Variants in STK24 observed in about 807,000 individuals in gnomAD.
The protein encoded by STK24 is serine/threonine kinase 24.
STK24 carries 21 observed loss-of-function variants against 55.6 expected under a neutral mutation model. That is an observed-to-expected ratio of 0.38 (90% CI 0.27 to 0.54). The LOEUF is 0.54. Ranked by LOEUF, STK24 falls within the 20% of genes least tolerant of loss-of-function variation. STK24 has a pLI of 0.79. For synonymous variants in STK24, 200 were observed against 215.2 expected, an observed-to-expected ratio of 0.93 and a Z score of 0.62; for missense variants, 383 against 538.4, an observed-to-expected ratio of 0.71 and a Z score of 2.86.
Position 98,446,224 on chromosome 13 carries a change from G to GC in STK24, c.*6948dup. On this transcript the variant is annotated 3_prime_UTR_variant, in exon 11 of 11. Coordinates refer to ENST00000539966, the MANE Select transcript of STK24 (RefSeq NM_001032296.4). ...ACACCAGGTAAGTGTCTCGCACAGGGCAGGTGGCCCTGGGACCTTGGGGGT... is the reference window on the plus strand; with the variant it reads ...ACACCAGGTAAGTGTCTCGCACAGGGCCAGGTGGCCCTGGGACCTTGGGGGT... 6.4e-7 allele frequency: 1 copy of GC among 1,553,988 alleles called. No homozygotes were observed. Among genetic ancestry groups the GC allele is most frequent in the Non-Finnish European group, 8.9e-7 (1 of 1,126,444 alleles).
chr13:98,470,382 G>A (rs1566352064), intron 5 of STK24, among the ~76,000 whole-genome samples: 1 of 152,164 alleles, frequency 6.6e-6, no homozygotes. Flanking sequence ...CCTCCCGCCA[G>A]GGACTCCCAA....
chr13:98,479,793 G>A (rs1188208005), intron 3 of STK24, among the ~76,000 whole-genome samples: 3 of 152,184 alleles, frequency 2.0e-5, no homozygotes, highest in Non-Finnish European at 4.4e-5. Flanking sequence ...ACAGCTCCCA[G>A]CCTACCTCCA....
At chr13:98,469,411 T>C (rs1250414738) in intron 5 of STK24, among the ~76,000 whole-genome samples, 3 of 152,074 alleles carry the variant, frequency 2.0e-5, no homozygotes, top group Admixed American at 1.3e-4. Context: ...CAGCCGGGCA[T>C]GGTGGGCTGC....
intron 3 of STK24, among the ~76,000 whole-genome samples, chr13:98,480,843 T>C (rs1272507036): frequency 6.6e-6 from 1 of 152,168 alleles, no homozygotes; most frequent in Non-Finnish European, 1.5e-5. Flanking sequence ...CCCACTTCAG[T>C]CTCCCAAAAG....
rs80331970 is a variant in STK24, at chr13:98,452,768, T to C, written c.*405A>G. 2.3e-3 allele frequency: 402 copies of C among 174,564 alleles called. 7 individuals carry two copies. The highest frequency in any genetic ancestry group is 0.02 in the East Asian group (124 of 6,262). 10.8% of individuals were successfully genotyped at this position (174,564 alleles called of 1,614,324 possible). ...TCTGTACACCCATCCACCAGAGCGATTCTCCAGCTCCCAGAGGGAGTTATC... is the reference window on the plus strand; with the variant it reads ...TCTGTACACCCATCCACCAGAGCGACTCTCCAGCTCCCAGAGGGAGTTATC... On this transcript the variant is annotated 3_prime_UTR_variant, in exon 11 of 11. Coordinates refer to ENST00000539966, the MANE Select transcript of STK24 (RefSeq NM_001032296.4).
intron 1 of STK24, among the ~76,000 whole-genome samples, chr13:98,565,670 C>G (rs1897548128): frequency 6.6e-6 from 1 of 151,238 alleles, no homozygotes; most frequent in Admixed American, 6.6e-5. Context: ...TTAGAGGGTA[C>G]TTTTTCAGTT....
At chr13:98,489,544 C>T (rs138289476) in intron 2 of STK24, among the ~76,000 whole-genome samples, 4 of 152,314 alleles carry the variant, frequency 2.6e-5, no homozygotes, top group Non-Finnish European at 5.9e-5. Context: ...CTTCTAATGA[C>T]AGAAAAGTGG....
intron 2 of STK24, among the ~76,000 whole-genome samples, chr13:98,496,806 A>C (rs1056654086): frequency 6.6e-6 from 1 of 152,244 alleles, no homozygotes; most frequent in African/African-American, 2.4e-5. Context: ...CAAATGGTGA[A>C]AACAGAAGTG....
intron 3 of STK24, 66 bp downstream of exon 3, chr13:98,482,199 T>C (rs564191701): frequency 2.9e-5 from 26 of 906,640 alleles, no homozygotes; most frequent in Admixed American, 8.0e-5. Context: ...TGCAATGGAT[T>C]CTTTAAAACC....
At position 98,475,247 on chromosome 13, in the gene STK24, T is replaced by C. The variant is rs746933284; in HGVS notation, c.439+3A>G. On this transcript the variant is annotated splice_donor_region_variant and intron_variant, in intron 4 of 10. Transcript: ENST00000539966. ...AAAGGAATGAAAACGGATGTCCTCT[T>C]ACCTTTAATGTCTCTGTGGATTTTC... 2 of 1,604,752 alleles carry C rather than the reference T, an allele frequency of 1.2e-6. No individual in the cohort carries two copies. The highest frequency in any genetic ancestry group is 1.7e-6 in the Non-Finnish European group (2 of 1,174,404).
At chr13:98,494,240 T>C (rs1895158277) in intron 2 of STK24, among the ~76,000 whole-genome samples, 1 of 147,236 alleles carries the variant, frequency 6.8e-6, no homozygotes, top group Non-Finnish European at 1.5e-5. Context: ...TGAAACCCCG[T>C]CTCTACTAAA....
intron 1 of STK24, among the ~76,000 whole-genome samples, chr13:98,568,752 C>G (rs932687025): frequency 6.6e-6 from 1 of 151,992 alleles, no homozygotes; most frequent in African/African-American, 2.4e-5. Context: ...CCTGTAATCC[C>G]AGCTACTCGG....
At chr13:98,572,986 G>C (rs1328189219) in intron 1 of STK24, among the ~76,000 whole-genome samples, 2 of 152,140 alleles carry the variant, frequency 1.3e-5, no homozygotes, top group East Asian at 3.9e-4. Context: ...GATCCAAAAT[G>C]CTCCAAAATA....
intron 2 of STK24, among the ~76,000 whole-genome samples, chr13:98,512,003 G>A (rs546451403): frequency 7.3e-5 from 11 of 151,300 alleles, no homozygotes; most frequent in African/African-American, 2.7e-4. Context: ...TCGTGCCTCG[G>A]CCTCCCAATT....
chr13:98,540,123 T>A (rs1478197167), intron 1 of STK24, among the ~76,000 whole-genome samples: 1 of 152,140 alleles, frequency 6.6e-6, no homozygotes, highest in Non-Finnish European at 1.5e-5. Flanking sequence ...AAGGAACACA[T>A]ACTGTGTGAT....
chr13:98,492,317 A>G (rs896152308), intron 2 of STK24, among the ~76,000 whole-genome samples: 1 of 152,198 alleles, frequency 6.6e-6, no homozygotes, highest in African/African-American at 2.4e-5. Context: ...GGGAGGGTGC[A>G]GTTCTATGTG....
chr13:98,462,225 T>C (rs1198708658), intron 7 of STK24, among the ~76,000 whole-genome samples: 1 of 152,110 alleles, frequency 6.6e-6, no homozygotes, highest in Admixed American at 6.5e-5. Flanking sequence ...TCTGCTGGGC[T>C]CCTCCTCTCA....
rs553021624 is a variant in STK24, at chr13:98,491,453, A to C, written c.274-9132T>G. Among the ~76,000 whole-genome samples the C allele has an allele frequency of 3.5e-4, 54 of 152,354 alleles. 1 individual carries two copies. In the South Asian group the frequency reaches 0.011, roughly 32 times the overall value. Reference sequence around the variant, plus strand: ...TCACTGGGAGAAAGGCCGCTGTAACATCAACATCAACTTAAACATAGGGGT... The same window carrying C: ...TCACTGGGAGAAAGGCCGCTGTAACCTCAACATCAACTTAAACATAGGGGT... On this transcript the variant is annotated intron_variant, in intron 2 of 10. Coordinates refer to ENST00000539966, the MANE Select transcript of STK24 (RefSeq NM_001032296.4).
chr13:98,554,796 C>A (rs1897243304), intron 1 of STK24, among the ~76,000 whole-genome samples: 1 of 152,006 alleles, frequency 6.6e-6, no homozygotes, highest in Non-Finnish European at 1.5e-5. Context: ...AGGCAGATCA[C>A]CTGAGGTCAG....
Sources: gnomAD v4.1 joint callset for allele counts (sites outside exome capture counted in the v4.1 genomes callset) on GRCh38, gnomAD v4.1.1 for gene constraint, MANE v1.5 for transcripts, NCBI Gene and HGNC (gene_info 2026-07-23, HGNC 2026-07-21) for gene names.